EML6: variants seen among roughly 807,000 people sequenced by gnomAD.
EML6 encodes echinoderm microtubule-associated protein-like 6.
A neutral mutation model predicts 240.1 loss-of-function variants in EML6; 154 were observed. That is an observed-to-expected ratio of 0.64 (90% CI 0.56 to 0.73). The LOEUF (loss-of-function observed/expected upper bound fraction) is 0.73. Ranked by LOEUF, EML6 falls within the 30% of genes least tolerant of loss-of-function variation. The probability of loss-of-function intolerance (pLI) is 0.00; values close to 1 mark genes in which losing one functional copy is unlikely to be tolerated. For missense variants in EML6, 2,964 were observed against 2,474.6 expected (o/e 1.20, Z -4.20); for synonymous variants, 1,148 against 899.0 (o/e 1.28, Z -4.95).
chr2:54,873,180 A>G (rs138737923), intron 16 of EML6, among the ~76,000 whole-genome samples: 2 of 152,346 alleles, frequency 1.3e-5, no homozygotes, highest in African/African-American at 2.4e-5. Context: ...TGCCTGACCA[A>G]TGCAACATGG....
intron 2 of EML6, among the ~76,000 whole-genome samples, chr2:54,803,953 C>T (rs878972061): frequency 6.6e-6 from 1 of 152,150 alleles, no homozygotes; most frequent in Non-Finnish European, 1.5e-5. Context: ...ACATTGAATT[C>T]AACAGTAGAA....
chr2:54,863,959 C>A, intron 13 of EML6, 70 bp downstream of exon 13: 2 of 806,852 alleles, frequency 2.5e-6, no homozygotes, highest in Non-Finnish European at 2.0e-6. Context: ...TTGGACATAG[C>A]ACTAAAAATG....
At chr2:54,768,106 A>G (rs1668261838) in intron 2 of EML6, among the ~76,000 whole-genome samples, 2 of 151,820 alleles carry the variant, frequency 1.3e-5, no homozygotes, top group Non-Finnish European at 2.9e-5. Flanking sequence ...TGCCAAGGCT[A>G]CCTCCTCATT....
chr2:54,739,637 GC>G (rs1457768177), intron 2 of EML6, among the ~76,000 whole-genome samples: 3 of 152,200 alleles, frequency 2.0e-5, no homozygotes, highest in Non-Finnish European at 4.4e-5. Flanking sequence ...AGTCACGAGG[GC>G]AGGAGTCCAC....
chr2:54,837,495 G>C (rs1440435698), intron 7 of EML6, among the ~76,000 whole-genome samples: 1 of 152,212 alleles, frequency 6.6e-6, no homozygotes, highest in African/African-American at 2.4e-5. Context: ...AAGTTGGTGA[G>C]AATCCTTACT....
chr2:54,725,619 C>T lies in EML6; in HGVS notation c.197+361C>T, dbSNP rs1279597573. Among the ~76,000 whole-genome samples, 4 of 152,278 alleles carry T rather than the reference C, an allele frequency of 2.6e-5. No homozygotes were observed. In the East Asian group the frequency reaches 5.8e-4, roughly 22 times the overall value. On this transcript the variant is annotated intron_variant, in intron 2 of 41. Transcript: ENST00000356458. The surrounding 1 kb of genome is among the most constrained non-coding windows in gnomAD (Gnocchi z 4.3). Reference sequence around the variant, plus strand: ...CCAGGTGCACGGTAGGACCAATAACCTGAAGTGTGGGCATCATCTTTGGGA... The same window carrying T: ...CCAGGTGCACGGTAGGACCAATAACTTGAAGTGTGGGCATCATCTTTGGGA...
chr2:54,779,279 C>T (rs1271891332), intron 2 of EML6, among the ~76,000 whole-genome samples: 2 of 151,894 alleles, frequency 1.3e-5, no homozygotes, highest in Non-Finnish European at 2.9e-5. Flanking sequence ...TGGCTCACGC[C>T]TATAATCCCA....
chr2:54,883,439 G>C (rs535319465), intron 17 of EML6, among the ~76,000 whole-genome samples: 7 of 152,216 alleles, frequency 4.6e-5, no homozygotes, highest in African/African-American at 1.4e-4. Flanking sequence ...CCACAGAAAG[G>C]GAGAACAAAA....
At chr2:54,895,052 GA>G in intron 20 of EML6, 26 bp downstream of exon 20, 1 of 1,491,510 alleles carries the variant, frequency 6.7e-7, no homozygotes, top group Non-Finnish European at 9.2e-7. Context: ...ATGTAATAGA[GA>G]TCTTTGTATT....
At chr2:54,789,486 C>T (rs1669291507) in intron 2 of EML6, among the ~76,000 whole-genome samples, 1 of 128,878 alleles carries the variant, frequency 7.8e-6, no homozygotes, top group Non-Finnish European at 1.6e-5. Context: ...TGCACTCCCG[C>T]CTGGGCCACA....
At position 54,866,974 on chromosome 2, in the gene EML6, C is replaced by T. The variant is rs1671003537; in HGVS notation, c.2051+90C>T. The stretch of plus-strand genomic sequence containing the variant: ...AGCACCAGGCTTAAGGGATCCCCTC[C>T]CCTCAGTGTCGTCCTCCTCCTGGCT... On this transcript the variant is annotated intron_variant, in intron 14 of 41. Coordinates refer to ENST00000356458, the MANE Select transcript of EML6 (RefSeq NM_001039753.4). The T allele has an allele frequency of 1.0e-5, 7 of 685,110 alleles. No homozygotes were observed. In the South Asian group the frequency reaches 1.1e-4, roughly 11 times the overall value. 42.4% of individuals were successfully genotyped at this position (685,110 alleles called of 1,614,324 possible). A position where few individuals can be genotyped will look rare whatever the true frequency, so the allele number is the denominator to read the frequency against.
At chr2:54,733,267 T>G (rs1426685598) in intron 2 of EML6, among the ~76,000 whole-genome samples, 6 of 152,232 alleles carry the variant, frequency 3.9e-5, no homozygotes, top group Non-Finnish European at 1.5e-5. Flanking sequence ...GCATGAGCCT[T>G]CATTTTTAGT....
At chr2:54,889,407 T>A (rs1318358765) in intron 17 of EML6, among the ~76,000 whole-genome samples, 1 of 151,842 alleles carries the variant, frequency 6.6e-6, no homozygotes, top group African/African-American at 2.4e-5. Flanking sequence ...ATCTTTAGGA[T>A]TGAGTTTTCC....
chr2:54,943,689 T>C (rs920880336), intron 28 of EML6, among the ~76,000 whole-genome samples: 2 of 152,202 alleles, frequency 1.3e-5, no homozygotes, highest in Non-Finnish European at 2.9e-5. Flanking sequence ...AGTAGAAATA[T>C]GTGAGCCACG....
intron 41 of EML6, 78 bp from the exon 42 acceptor site, chr2:54,969,993 T>G: frequency 4.7e-6 from 7 of 1,485,658 alleles, no homozygotes; most frequent in East Asian, 2.5e-5. Context: ...TTTGAGCACT[T>G]GGCAAGATTG....
At chr2:54,904,626 G>A (rs1447038775) in intron 24 of EML6, among the ~76,000 whole-genome samples, 1 of 152,212 alleles carries the variant, frequency 6.6e-6, no homozygotes, top group Non-Finnish European at 1.5e-5. Flanking sequence ...AGAAATAGAA[G>A]TGCTCAGTGG....
intron 16 of EML6, among the ~76,000 whole-genome samples, chr2:54,874,009 CAAG>C (rs1324339606): frequency 6.6e-6 from 1 of 152,028 alleles, no homozygotes; most frequent in Non-Finnish European, 1.5e-5. Context: ...AATAAAGTGG[CAAG>C]AAATTTAGAG....
At chr2:54,901,845 C>G (rs1436737110) in intron 22 of EML6, among the ~76,000 whole-genome samples, 2 of 152,216 alleles carry the variant, frequency 1.3e-5, no homozygotes, top group Non-Finnish European at 1.5e-5. Flanking sequence ...AGAATGGTGG[C>G]AGAGGGTAGG....
At chr2:54,912,459 T>A (rs1673692642) in intron 25 of EML6, among the ~76,000 whole-genome samples, 1 of 152,234 alleles carries the variant, frequency 6.6e-6, no homozygotes, top group South Asian at 2.1e-4. Context: ...TAGGTTTGTT[T>A]CATGGGTCTG....
Sources: gnomAD v4.1 joint callset for allele counts (sites outside exome capture counted in the v4.1 genomes callset) on GRCh38, gnomAD v4.1.1 for gene constraint, Gnocchi (gnomAD v3.1) non-coding constraint, MANE v1.5 for transcripts, NCBI Gene and HGNC (gene_info 2026-07-23, HGNC 2026-07-21) for gene names.